LPCAT2: variants seen among roughly 807,000 people sequenced by gnomAD.
LPCAT2 encodes lysophosphatidylcholine acyltransferase 2, also known as 1-AGP acyltransferase 11.
A neutral mutation model predicts 64.7 loss-of-function variants in LPCAT2; 58 were observed. The observed-to-expected ratio is 0.90, with a 90% CI of 0.73 to 1.12. The LOEUF is 1.12. Among genes scored for constraint, LPCAT2 ranks in the 50% most tolerant of loss-of-function variants. The pLI, the probability that LPCAT2 is intolerant of heterozygous loss-of-function variation, is 0.00. For synonymous variants in LPCAT2, 252 were observed against 245.3 expected, an observed-to-expected ratio of 1.03 and a Z score of -0.26; for missense variants, 579 against 669.8, an observed-to-expected ratio of 0.86 and a Z score of 1.50.
chr16:55,586,249 ACT>A lies in LPCAT2; in HGVS notation c.*3154_*3155del, dbSNP rs754350530. On this transcript the variant is annotated 3_prime_UTR_variant, in exon 14 of 14. Coordinates refer to ENST00000262134, the MANE Select transcript of LPCAT2 (RefSeq NM_017839.5). ...TGCCCTTTTTACCCCATTTACTGTAACTCTTGTTTCTAGGTAATCGTTCTCTC... is the reference window on the plus strand; with the variant it reads ...TGCCCTTTTTACCCCATTTACTGTAACTTGTTTCTAGGTAATCGTTCTCTC... 1 of 151,984 alleles carries A rather than the reference ACT, an allele frequency of 6.6e-6. No homozygotes were observed. The highest frequency in any genetic ancestry group is 1.5e-5 in the Non-Finnish European group (1 of 67,990). 9.4% of individuals were successfully genotyped at this position (151,984 alleles called of 1,614,324 possible). A position where few individuals can be genotyped will look rare whatever the true frequency, so the allele number is the denominator to read the frequency against.
chr16:55,517,092 GA>G (rs1963023580), intron 1 of LPCAT2, among the ~76,000 whole-genome samples: 1 of 151,658 alleles, frequency 6.6e-6, no homozygotes, highest in African/African-American at 2.4e-5. Flanking sequence ...TTGGTACTCT[GA>G]AAAAAACTGA....
At chr16:55,563,308 C>T (rs1385789431) in intron 11 of LPCAT2, among the ~76,000 whole-genome samples, 1 of 151,874 alleles carries the variant, frequency 6.6e-6, no homozygotes, top group Non-Finnish European at 1.5e-5. Context: ...GAAAGAAGTA[C>T]TAACACCAGT....
chr16:55,566,693 C>G (rs1176753708), intron 11 of LPCAT2: 2 of 1,524,606 alleles, frequency 1.3e-6, no homozygotes, highest in Non-Finnish European at 1.8e-6. Context: ...TACTTGAACT[C>G]CATTTCATCT....
intron 11 of LPCAT2, among the ~76,000 whole-genome samples, chr16:55,562,927 C>T (rs1391315101): frequency 6.6e-6 from 1 of 151,744 alleles, no homozygotes; most frequent in Admixed American, 6.6e-5. Flanking sequence ...AAGTATTATC[C>T]AGGCTACCTG....
intron 11 of LPCAT2, among the ~76,000 whole-genome samples, chr16:55,574,028 C>A (rs1963799953): frequency 6.6e-6 from 1 of 152,160 alleles, no homozygotes; most frequent in Non-Finnish European, 1.5e-5. Context: ...ACTAGTTATG[C>A]TTTATTTTCA....
chr16:55,531,833 T>C, intron 4 of LPCAT2, 81 bp from the exon 5 acceptor site: 3 of 887,362 alleles, frequency 3.4e-6, no homozygotes, highest in Non-Finnish European at 5.6e-6. Flanking sequence ...TTGGCAGCTG[T>C]TTGTGAAGTC....
At chr16:55,566,911 C>A in intron 11 of LPCAT2, 2 of 1,613,850 alleles carry the variant, frequency 1.2e-6, no homozygotes, top group Non-Finnish European at 1.7e-6. Context: ...AGTGAGGCTG[C>A]AGCAGCTCAG....
In LPCAT2 at chr16:55,579,233, C is replaced by T; in HGVS notation, c.1439C>T (p.Ser480Leu). The T allele has an allele frequency of 6.2e-7, 1 of 1,612,846 alleles. No individual in the cohort carries two copies. Among genetic ancestry groups the T allele is most frequent in the Non-Finnish European group, 8.5e-7 (1 of 1,179,382 alleles). ...GLFKEIAQGD[S>L]ISYEEFKSFA... is the part of the protein sequence containing the mutation. ...TTCAAGGAAATAGCCCAAGGGGACT[C>T]AATTTCCTATGGTGAGTAGGCAATC... The change falls in exon 13 of 14, where the codon TCA (serine) becomes TTA (leucine). Residue 480 changes from serine (S) to leucine (L), a missense_variant. Coordinates refer to ENST00000262134, the MANE Select transcript of LPCAT2 (RefSeq NM_017839.5).
intron 8 of LPCAT2, chr16:55,542,126 T>A: frequency 2.6e-6 from 1 of 381,020 alleles, no homozygotes; most frequent in Non-Finnish European, 4.2e-6. Flanking sequence ...ACTGAGAATC[T>A]ATGTAAGTGA....
At chr16:55,544,828 T>G (rs975572465) in intron 8 of LPCAT2, among the ~76,000 whole-genome samples, 5 of 152,144 alleles carry the variant, frequency 3.3e-5, no homozygotes, top group African/African-American at 1.2e-4. Context: ...TTTTTGAATC[T>G]GACAAATCTT....
At chr16:55,559,792 A>G (rs569354436) in intron 11 of LPCAT2, among the ~76,000 whole-genome samples, 3 of 151,744 alleles carry the variant, frequency 2.0e-5, no homozygotes, top group South Asian at 2.1e-4. Context: ...AAAGGCTACA[A>G]CTTTCTGAGT....
At chr16:55,522,676 T>C (rs933325857) in intron 1 of LPCAT2, among the ~76,000 whole-genome samples, 1 of 151,724 alleles carries the variant, frequency 6.6e-6, no homozygotes, top group Non-Finnish European at 1.5e-5. Context: ...ACATTAATAT[T>C]CAATTGATTT....
intron 1 of LPCAT2, among the ~76,000 whole-genome samples, chr16:55,522,357 A>G (rs1346301585): frequency 6.6e-6 from 1 of 151,716 alleles, no homozygotes; most frequent in Non-Finnish European, 1.5e-5. Context: ...GAGATATACC[A>G]TGTTTATGAA....
intron 1 of LPCAT2, among the ~76,000 whole-genome samples, chr16:55,516,056 T>C (rs190061124): frequency 7.6e-4 from 115 of 152,290 alleles, no homozygotes; most frequent in African/African-American, 2.6e-3. Flanking sequence ...ATTCACAGAA[T>C]TGATAAAAAT....
At position 55,585,810 on chromosome 16, in the gene LPCAT2, G is replaced by T. The variant is rs1963938727; in HGVS notation, c.*2712G>T. 1 of 152,158 alleles carries T rather than the reference G, an allele frequency of 6.6e-6. No individual in the cohort carries two copies. The highest frequency in any genetic ancestry group is 1.5e-5 in the Non-Finnish European group (1 of 68,042). The allele number at this position is 152,158 out of a possible 1,614,324, so 9.4% of individuals were successfully genotyped here. On this transcript the variant is annotated 3_prime_UTR_variant, in exon 14 of 14. Coordinates refer to ENST00000262134, the MANE Select transcript of LPCAT2 (RefSeq NM_017839.5). ...TTAGAAGACATCTGGTCTGCTCTCT[G>T]CATGAGGCACAGCAGTAAAGCTCTT...
rs142321442 is a variant in LPCAT2 at position 55,553,932 on chromosome 16, A to C, written c.1215+2830A>C. Among the ~76,000 whole-genome samples the C allele has an allele frequency of 2.2e-3, 333 of 152,344 alleles. 2 individuals carry two copies. Among genetic ancestry groups the C allele is most frequent in the African/African-American group, 7.2e-3 (298 of 41,578 alleles). ...TAGCCTATTTCTATATCTCCATCAG[A>C]GCTCTTGGGTAACTAGGTGCATTCT... On this transcript the variant is annotated intron_variant, in intron 11 of 13. Coordinates refer to ENST00000262134, the MANE Select transcript of LPCAT2 (RefSeq NM_017839.5).
chr16:55,583,022 C>A lies in LPCAT2; in HGVS notation c.1559C>A (p.Thr520Lys), dbSNP rs1963904075. The A allele has an allele frequency of 1.2e-6, 2 of 1,613,840 alleles. No individual in the cohort carries two copies. Among genetic ancestry groups the A allele is most frequent in the Non-Finnish European group, 8.5e-7 (1 of 1,179,820 alleles). Residue 520 changes from threonine to lysine, a missense_variant, in exon 14 of 14, where the codon ACA becomes AAA. By Grantham distance (78) the Thr-to-Lys change is moderately conservative (BLOSUM62 -1). Transcript: ENST00000262134. The part of the protein sequence containing the change: ...HVFSLPKEVQ[T>K]TPSTASNKVS... ...TTTTCATTACCAAAAGAAGTCCAGA[C>A]AACCCCCTCCACCGCCAGTAATAAA...
rs377556167 is a variant in LPCAT2 at position 55,525,698 on chromosome 16, A to G, written c.311+51A>G. The G allele has an allele frequency of 2.5e-3, 3,396 of 1,380,620 alleles. 11 individuals carry two copies. Among genetic ancestry groups the G allele is most frequent in the Non-Finnish European group, 3.0e-3 (3,128 of 1,028,864 alleles). The allele number at this position is 1,380,620 out of a possible 1,614,324, so 85.5% of individuals were successfully genotyped here. A position where few individuals can be genotyped will look rare whatever the true frequency, so the allele number is the denominator to read the frequency against. On this transcript the variant is annotated intron_variant, in intron 2 of 13. Transcript: ENST00000262134. ...TTAGGACATAATATTAAATTAAGATATACTAAATCAATATAAGAAGAGTTC... is the reference window on the plus strand; with the variant it reads ...TTAGGACATAATATTAAATTAAGATGTACTAAATCAATATAAGAAGAGTTC...
chr16:55,525,683 A>G lies in LPCAT2; in HGVS notation c.311+36A>G, dbSNP rs778519776. 7 of 1,517,028 alleles carry G rather than the reference A, an allele frequency of 4.6e-6. No homozygotes were observed. In the African/African-American group the frequency reaches 5.7e-5, roughly 12 times the overall value. 94.0% of individuals were successfully genotyped at this position (1,517,028 alleles called of 1,614,324 possible). On this transcript the variant is annotated intron_variant, in intron 2 of 13. Coordinates refer to ENST00000262134, the MANE Select transcript of LPCAT2 (RefSeq NM_017839.5). ...ATTTTGTCCAAAATATTAGGACATAATATTAAATTAAGATATACTAAATCA... is the reference window on the plus strand; with the variant it reads ...ATTTTGTCCAAAATATTAGGACATAGTATTAAATTAAGATATACTAAATCA...
Sources: gnomAD v4.1 joint callset for allele counts (sites outside exome capture counted in the v4.1 genomes callset) on GRCh38, gnomAD v4.1.1 for gene constraint, MANE v1.5 for transcripts, NCBI Gene and HGNC (gene_info 2026-07-23, HGNC 2026-07-21) for gene names.